DLX5: variants seen among roughly 807,000 people sequenced by gnomAD.
The protein encoded by DLX5 is distal-less homeobox 5.
In DLX5, 8 loss-of-function variants were observed where a neutral mutation model predicts 27.1. That is an observed-to-expected ratio of 0.30 (90% confidence interval 0.17 to 0.53). The LOEUF is 0.53. DLX5 is among the 20% of genes least tolerant of loss of function. The pLI, the probability that DLX5 is intolerant of heterozygous loss-of-function variation, is 0.95. For synonymous variants in DLX5, 178 were observed against 161.9 expected, an observed-to-expected ratio of 1.10 and a Z score of -0.75; for missense variants, 339 against 375.1, an observed-to-expected ratio of 0.90 and a Z score of 0.80.
intron 2 of DLX5, chr7:97,021,954 T>TGGGGGCG (rs1790074599): frequency 1.6e-6 from 1 of 611,448 alleles, no homozygotes; most frequent in African/African-American, 1.9e-5. Flanking sequence ...CGCTACGGGG[T>TGGGGGCG]GGGGGCGGGG....
chr7:97,021,996 CTGA>C, intron 2 of DLX5, 186 bp downstream of exon 2: 1 of 685,028 alleles, frequency 1.5e-6, no homozygotes, highest in Non-Finnish European at 2.5e-6. Context: ...CTCCAGACCG[CTGA>C]TGAATACCAT....
chr7:97,022,114 G>C (rs1446855302), intron 2 of DLX5, 71 bp downstream of exon 2: 2 of 1,589,722 alleles, frequency 1.3e-6, no homozygotes, highest in Admixed American at 1.7e-5. Context: ...CAGTCCCATC[G>C]AGACTGAACC....
At position 97,024,311 on chromosome 7, in the gene DLX5, C is replaced by T. The variant is rs267601653; in HGVS notation, c.313G>A (p.Gly105Ser). 17 of 1,614,182 alleles carry T rather than the reference C, an allele frequency of 1.1e-5. No individual in the cohort carries two copies. The highest frequency in any genetic ancestry group is 1.4e-5 in the Non-Finnish European group (16 of 1,180,012). Residue 105 changes from glycine to serine, a missense_variant, in exon 1 of 3, where the codon GGC (glycine) becomes AGC (serine). Transcript: ENST00000648378. This position sits in a 1 kb window ranked among gnomAD's most constrained non-coding sequence, Gnocchi z 4.6. Reference sequence around the variant, plus strand: ...CTTGGGACGCGGTTGTAGGCGCCGCCGTACTGGTGGTAGGAGCTAGCGTAG... The same window carrying T: ...CTTGGGACGCGGTTGTAGGCGCCGCTGTACTGGTGGTAGGAGCTAGCGTAG... The part of the protein sequence containing the change: ...YSYASSYHQY[G>S]GAYNRVPSAT...
chr7:97,024,190 C>A lies in DLX5; in HGVS notation c.355+79G>T. 7.1e-7 allele frequency: 1 copy of A among 1,398,694 alleles called. No homozygotes were observed. Among genetic ancestry groups the A allele is most frequent in the Non-Finnish European group, 9.7e-7 (1 of 1,032,852 alleles). The allele number at this position is 1,398,694 out of a possible 1,614,324, so 86.6% of individuals were successfully genotyped here. A position where few individuals can be genotyped will look rare whatever the true frequency, so the allele number is the denominator to read the frequency against. On this transcript the variant is annotated intron_variant, in intron 1 of 2. Coordinates refer to ENST00000648378, the MANE Select transcript of DLX5 (RefSeq NM_005221.6). This position sits in a 1 kb window ranked among gnomAD's most constrained non-coding sequence, Gnocchi z 4.6. Reference sequence around the variant, plus strand: ...CCCCACTGCCGTGAACCGCTGTGACCCCCAATCTACCACCCCATCTCGCGC... The same window carrying A: ...CCCCACTGCCGTGAACCGCTGTGACACCCAATCTACCACCCCATCTCGCGC...
intron 2 of DLX5, among the ~76,000 whole-genome samples, chr7:97,021,622 G>A (rs1380547666): frequency 6.6e-6 from 1 of 152,176 alleles, no homozygotes; most frequent in Non-Finnish European, 1.5e-5. Flanking sequence ...GCCCCAGCTG[G>A]GTTGGAGGAG....
intron 2 of DLX5, among the ~76,000 whole-genome samples, chr7:97,021,420 G>A (rs1790054549): frequency 6.6e-6 from 1 of 152,140 alleles, no homozygotes; most frequent in South Asian, 2.1e-4. Context: ...GGAACGCGGC[G>A]AAGGTCTCCA....
rs185246840 is a variant in DLX5 at position 97,024,067 on chromosome 7, C to A, written c.355+202G>T. On this transcript the variant is annotated intron_variant, in intron 1 of 2. Transcript: ENST00000648378. The surrounding 1 kb of genome is among the most constrained non-coding windows in gnomAD (Gnocchi z 4.6). ...CGGAGGGGAGAGACGCTAGTTCGAA[C>A]CTCCACAGGGCTCTCCTACTAAAAA... Among the ~76,000 whole-genome samples, 1 of 152,292 alleles carries A rather than the reference C, an allele frequency of 6.6e-6. No homozygotes were observed. The highest frequency in any genetic ancestry group is 2.4e-5 in the African/African-American group (1 of 41,562).
At chr7:97,022,696 T>TGCTCCTCCGCGTTTCC (rs1396341145) in intron 1 of DLX5, 1 of 636,974 alleles carries the variant, frequency 1.6e-6, no homozygotes, top group Admixed American at 6.3e-5. Context: ...GCCCACCCTG[T>TGCTCCTCCGCGTTTCC]GCTCCTCCGC....
Position 97,022,174 on chromosome 7 carries a change from G to A in DLX5, c.540+11C>T, listed in dbSNP as rs1203601507. 1.5e-5 allele frequency: 25 copies of A among 1,613,790 alleles called. No homozygotes were observed. The highest frequency in any genetic ancestry group is 1.9e-5 in the Non-Finnish European group (23 of 1,180,054). On this transcript the variant is annotated intron_variant, in intron 2 of 2. Transcript: ENST00000648378. ...TCAGGCAGGTCTAGTGCATGGCAGC[G>A]CCGTATTTACCTGTGTTTGTGTCAA... is the stretch of plus-strand genomic sequence containing the variant.
chr7:97,024,795 G>A lies in DLX5; in HGVS notation c.-172C>T, dbSNP rs1584168989. ...GCGGCCGCGGCGAGGAGGAGACTGGGAGTCGTGAAGTCTCTGTCTCCGGCC... is the reference window on the plus strand; with the variant it reads ...GCGGCCGCGGCGAGGAGGAGACTGGAAGTCGTGAAGTCTCTGTCTCCGGCC... On this transcript the variant is annotated 5_prime_UTR_variant, in exon 1 of 3. Transcript: ENST00000648378. This position sits in a 1 kb window ranked among gnomAD's most constrained non-coding sequence, Gnocchi z 4.6. The A allele has an allele frequency of 1.6e-6, 1 of 609,660 alleles. No homozygotes were observed. The allele number at this position is 609,660 out of a possible 1,614,324, so 37.8% of individuals were successfully genotyped here.
In DLX5 at chr7:97,024,781, G is replaced by A; in HGVS notation, c.-158C>T. The A allele has an allele frequency of 1.5e-6, 1 of 648,906 alleles. No individual in the cohort carries two copies. Among genetic ancestry groups the A allele is most frequent in the Admixed American group, 3.0e-5 (1 of 33,588 alleles). The allele number at this position is 648,906 out of a possible 1,614,324, so 40.2% of individuals were successfully genotyped here. A position where few individuals can be genotyped will look rare whatever the true frequency, so the allele number is the denominator to read the frequency against. On this transcript the variant is annotated 5_prime_UTR_variant, in exon 1 of 3. Transcript: ENST00000648378. The surrounding 1 kb of genome is among the most constrained non-coding windows in gnomAD (Gnocchi z 4.6). ...AGAAGGAGGAGGCGGCGGCCGCGGC[G>A]AGGAGGAGACTGGGAGTCGTGAAGT...
rs532759180 is a variant in DLX5 at position 97,020,798 on chromosome 7, G to A, written c.808C>T (p.His270Tyr). The change falls in exon 3 of 3, where the codon CAC becomes TAC. Residue 270 changes from histidine to tyrosine, a missense_variant. This residue lies in a region of DLX5 where 136 missense variants were observed against 130.3 expected (regional missense o/e 1.04). Transcript: ENST00000648378. The part of the protein sequence containing the change: ...YTSAASSINS[H>Y]LPPPGSLQHP... ...TGTAAGGAGCCCGGCGGCGGCAGGT[G>A]GGAATTGATTGAGCTGGCTGCACTT... is the stretch of plus-strand genomic sequence containing the variant. 6.2e-7 allele frequency: 1 copy of A among 1,611,774 alleles called. No homozygotes were observed. Among genetic ancestry groups the A allele is most frequent in the African/African-American group, 1.3e-5 (1 of 74,980 alleles).
At position 97,020,630 on chromosome 7, in the gene DLX5, CTT is replaced by C. The variant is rs2115902291; in HGVS notation, c.*104_*105del. The C allele has an allele frequency of 5.1e-6, 6 of 1,174,546 alleles. 1 individual carries two copies. The South Asian group carries it at 7.0e-5, about 14-fold the overall frequency. 72.8% of individuals were successfully genotyped at this position (1,174,546 alleles called of 1,614,324 possible). ...GCAAAAAAAAGCTTTACACATGAAT[CTT>C]TTTCAGTTTTCCGAACTTCCCCATA... On this transcript the variant is annotated 3_prime_UTR_variant, in exon 3 of 3. Transcript: ENST00000648378.
chr7:97,021,343 C>T (rs910710611), intron 2 of DLX5, among the ~76,000 whole-genome samples: 7 of 152,190 alleles, frequency 4.6e-5, no homozygotes, highest in Non-Finnish European at 8.8e-5. Context: ...GGGACGCCAG[C>T]GCGGCGGGTG....
At chr7:97,022,436 C>CTAT in intron 1 of DLX5, 67 bp from the exon 2 acceptor site, 1 of 1,595,050 alleles carries the variant, frequency 6.3e-7, no homozygotes, top group Non-Finnish European at 8.5e-7. Context: ...GGAAGGGCCT[C>CTAT]AAATAGAGTC....
At position 97,024,368 on chromosome 7, in the gene DLX5, T is replaced by A; in HGVS notation, c.256A>T (p.Ser86Cys). 6 of 1,614,192 alleles carry A rather than the reference T, an allele frequency of 3.7e-6. No individual in the cohort carries two copies. The highest frequency in any genetic ancestry group is 4.2e-6 in the Non-Finnish European group (5 of 1,180,044). Residue 86 changes from serine to cysteine, a missense_variant, in exon 1 of 3, where the codon AGC becomes TGC. By Grantham distance (112) the Ser-to-Cys change is moderately radical. Around this residue, in one of 3 missense-constraint regions of DLX5, gnomAD observed 188 missense variants for 206.1 expected, o/e 0.91. Coordinates refer to ENST00000648378, the MANE Select transcript of DLX5 (RefSeq NM_005221.6). This position sits in a 1 kb window ranked among gnomAD's most constrained non-coding sequence, Gnocchi z 4.6. The stretch of plus-strand genomic sequence containing the variant: ...TCGGCATAAGCTTTGGCTGGGTAGC[T>A]CCCGGCGGAGCCGTTCACGCCGTGA... The part of the protein sequence containing the change: ...QYHGVNGSAG[S>C]YPAKAYADYS...
In DLX5 at chr7:97,024,493, T is replaced by G. The variant is rs747497977; in HGVS notation, c.131A>C (p.Asp44Ala). 32 of 1,614,184 alleles carry G rather than the reference T, an allele frequency of 2.0e-5. No individual in the cohort carries two copies. Among genetic ancestry groups the G allele is most frequent in the Non-Finnish European group, 2.7e-5 (32 of 1,180,026 alleles). Reference protein sequence around the residue: ...SPTLPESSATDSDYYSPTGGA... With the variant: ...SPTLPESSATASDYYSPTGGA... ...CCCCGTAGGGCTGTAGTAGTCAGAA[T>G]CGGTAGCTGAAGACTCGGGCAAAGT... The change falls in exon 1 of 3, where the codon GAT becomes GCT. Residue 44 changes from aspartate to alanine, a missense_variant. By Grantham distance (126) the Asp-to-Ala change is moderately radical. Coordinates refer to ENST00000648378, the MANE Select transcript of DLX5 (RefSeq NM_005221.6). The surrounding 1 kb of genome is among the most constrained non-coding windows in gnomAD (Gnocchi z 4.6).
In DLX5 at chr7:97,022,277, C is replaced by T. The variant is rs1166739375; in HGVS notation, c.448G>A (p.Ala150Thr). ...PRTIYSSFQL[A>T]ALQRRFQKTQ... ...TTCTGAAACCTTCTCTGTAATGCGG[C>T]CAGCTGAAAGCTGGAATAAATAGTC... is the stretch of plus-strand genomic sequence containing the variant. The change falls in exon 2 of 3, where the codon GCC (alanine) becomes ACC (threonine). Residue 150 changes from alanine (A) to threonine (T), a missense_variant. Transcript: ENST00000648378. 1.2e-6 allele frequency: 2 copies of T among 1,614,240 alleles called. No homozygotes were observed. The highest frequency in any genetic ancestry group is 2.2e-5 in the East Asian group (1 of 44,890).
At position 97,020,469 on chromosome 7, in the gene DLX5, C is replaced by T. The variant is rs1264795781; in HGVS notation, c.*267G>A. 1 of 326,668 alleles carries T rather than the reference C, an allele frequency of 3.1e-6. No homozygotes were observed. The highest frequency in any genetic ancestry group is 5.6e-6 in the Non-Finnish European group (1 of 179,878). The allele number at this position is 326,668 out of a possible 1,614,324, so 20.2% of individuals were successfully genotyped here. On this transcript the variant is annotated 3_prime_UTR_variant, in exon 3 of 3. Transcript: ENST00000648378. Reference sequence around the variant, plus strand: ...CCTCTATCTACACTTATTTACATGGCTAAAATAACATTGAAAAAAGTCTTT... The same window carrying T: ...CCTCTATCTACACTTATTTACATGGTTAAAATAACATTGAAAAAAGTCTTT...
Sources: gnomAD v4.1 joint callset for allele counts (sites outside exome capture counted in the v4.1 genomes callset) on GRCh38, gnomAD v4.1.1 for gene constraint, gnomAD v4.1.1 regional missense constraint, Gnocchi (gnomAD v3.1) non-coding constraint, MANE v1.5 for transcripts, NCBI Gene and HGNC (gene_info 2026-07-23, HGNC 2026-07-21) for gene names.